Variants in MMP26 observed in about 807,000 individuals in gnomAD.
MMP26 encodes matrix metalloproteinase-26.
MMP26 carries 33 observed loss-of-function variants against 31.0 expected under a neutral mutation model. That is an observed-to-expected ratio of 1.06 (90% CI 0.81 to 1.42). The LOEUF is 1.42. Ranked by LOEUF, MMP26 falls within the 40% of genes most tolerant of loss-of-function variation. The pLI is 0.00. For synonymous variants in MMP26, 122 were observed against 114.9 expected, an observed-to-expected ratio of 1.06 and a Z score of -0.40; for missense variants, 347 against 316.1, an observed-to-expected ratio of 1.10 and a Z score of -0.74.
chr11:4,825,512 T>A (rs149712841), intron 2 of MMP26, among the ~76,000 whole-genome samples: 46 of 152,242 alleles, frequency 3.0e-4, no homozygotes, highest in Admixed American at 8.5e-4. Flanking sequence ...GAGTTGGATG[T>A]CCCAATCTGA....
chr11:4,882,693 G>T, intron 2 of MMP26: 10 of 1,613,856 alleles, frequency 6.2e-6, no homozygotes, highest in Non-Finnish European at 8.5e-6. Flanking sequence ...TTGGCACACC[G>T]CCTCTTCCAC....
chr11:4,974,237 C>T (rs995432138), intron 2 of MMP26, among the ~76,000 whole-genome samples: 5 of 151,592 alleles, frequency 3.3e-5, no homozygotes, highest in Non-Finnish European at 5.9e-5. Flanking sequence ...TTTAATATAA[C>T]GTTGCAATAT....
Position 4,822,295 on chromosome 11 carries a change from A to G in MMP26, c.-145+54954A>G, listed in dbSNP as rs759977498. Reference sequence around the variant, plus strand: ...GCTAATCCCTCCTGTGCTCAACCCTATTATTTACAGTGTAAAGATTAAGCA... The same window carrying G: ...GCTAATCCCTCCTGTGCTCAACCCTGTTATTTACAGTGTAAAGATTAAGCA... On this transcript the variant is annotated intron_variant, in intron 2 of 7. Coordinates refer to ENST00000380390, the MANE Select transcript of MMP26 (RefSeq NM_021801.5). 10 of 1,538,484 alleles carry G rather than the reference A, an allele frequency of 6.5e-6. No individual in the cohort carries two copies. Among genetic ancestry groups the G allele is most frequent in the Middle Eastern group, 3.5e-4 (2 of 5,704 alleles).
chr11:4,855,679 C>A (rs997249574), intron 2 of MMP26, among the ~76,000 whole-genome samples: 2 of 152,148 alleles, frequency 1.3e-5, no homozygotes, highest in South Asian at 2.1e-4. Flanking sequence ...CTTCCCCAAC[C>A]TAGCAAGGCA....
At chr11:4,739,319 T>C (rs2133290940) in intron 1 of MMP26, among the ~76,000 whole-genome samples, 1 of 152,326 alleles carries the variant, frequency 6.6e-6, no homozygotes, top group East Asian at 1.9e-4. Context: ...CTTATTGCCA[T>C]GCAGGTGAGG....
chr11:4,944,044 A>T (rs1238376022), intron 2 of MMP26: 1 of 433,568 alleles, frequency 2.3e-6, no homozygotes, highest in Non-Finnish European at 4.5e-6. Context: ...ATTTCTTTCA[A>T]TTAATAAAAT....
intron 2 of MMP26, among the ~76,000 whole-genome samples, chr11:4,873,539 G>A (rs1482013533): frequency 1.3e-5 from 2 of 151,912 alleles, no homozygotes; most frequent in South Asian, 2.1e-4. Context: ...GAAAGATTTA[G>A]GTAATACAGA....
chr11:4,790,079 C>A (rs573075537), intron 2 of MMP26, among the ~76,000 whole-genome samples: 2 of 152,160 alleles, frequency 1.3e-5, no homozygotes, highest in South Asian at 2.1e-4. Context: ...CGGTAGCTCA[C>A]GCCTGTAATC....
chr11:4,803,383 C>T (rs1417531106), intron 2 of MMP26: 8 of 1,209,296 alleles, frequency 6.6e-6, no homozygotes, highest in South Asian at 1.4e-5. Flanking sequence ...TCATTAATGT[C>T]CCCACATTAG....
chr11:4,807,657 T>C (rs1849290996), intron 2 of MMP26, among the ~76,000 whole-genome samples: 1 of 151,836 alleles, frequency 6.6e-6, no homozygotes, highest in Non-Finnish European at 1.5e-5. Context: ...TTAGGAGAAA[T>C]ACCTAATGTA....
At chr11:4,764,671 C>G (rs1848606084) in intron 1 of MMP26, among the ~76,000 whole-genome samples, 1 of 152,172 alleles carries the variant, frequency 6.6e-6, no homozygotes, top group Non-Finnish European at 1.5e-5. Flanking sequence ...GAGATCCAGA[C>G]CATCTTGGCT....
intron 2 of MMP26, among the ~76,000 whole-genome samples, chr11:4,925,225 A>G (rs186776272): frequency 1.3e-5 from 2 of 152,310 alleles, no homozygotes; most frequent in African/African-American, 4.8e-5. Flanking sequence ...AGTGTTGGGG[A>G]TGAAATTTAA....
chr11:4,815,579 A>G (rs926635673), intron 2 of MMP26, among the ~76,000 whole-genome samples: 1 of 152,190 alleles, frequency 6.6e-6, no homozygotes, highest in East Asian at 1.9e-4. Context: ...AACAAAAAAA[A>G]AAAGAAAGAA....
At chr11:4,857,030 C>A (rs1288301871) in intron 2 of MMP26, among the ~76,000 whole-genome samples, 2 of 152,044 alleles carry the variant, frequency 1.3e-5, no homozygotes, top group South Asian at 2.1e-4. Context: ...CCAGTGAGAA[C>A]AAAGACACAA....
intron 2 of MMP26, among the ~76,000 whole-genome samples, chr11:4,808,354 G>A (rs997263264): frequency 6.6e-6 from 1 of 152,074 alleles, no homozygotes; most frequent in East Asian, 1.9e-4. Context: ...CATGAAGGGG[G>A]TGTGCACAAC....
intron 1 of MMP26, chr11:4,711,368 CA>C (rs1847860442): frequency 6.6e-6 from 1 of 152,130 alleles, no homozygotes; most frequent in African/African-American, 2.4e-5. Flanking sequence ...AGACATATCC[CA>C]AACATTACAA....
At chr11:4,757,632 A>T (rs1848520750) in intron 1 of MMP26, among the ~76,000 whole-genome samples, 1 of 152,104 alleles carries the variant, frequency 6.6e-6, no homozygotes, top group Non-Finnish European at 1.5e-5. Context: ...AAAAATGGGC[A>T]AAATATTTGA....
chr11:4,914,964 C>A (rs761017743), intron 2 of MMP26: 23 of 1,613,946 alleles, frequency 1.4e-5, no homozygotes, highest in Non-Finnish European at 1.9e-5. Context: ...GCCCTGGAGG[C>A]GATGGACAGC....
intron 1 of MMP26, among the ~76,000 whole-genome samples, chr11:4,744,015 G>T (rs894226268): frequency 1.3e-5 from 2 of 151,964 alleles, no homozygotes; most frequent in African/African-American, 4.8e-5. Context: ...TGCCCAGGCT[G>T]GTCTGAAACT....
Sources: gnomAD v4.1 joint callset for allele counts (sites outside exome capture counted in the v4.1 genomes callset) on GRCh38, gnomAD v4.1.1 for gene constraint, MANE v1.5 for transcripts, NCBI Gene and HGNC (gene_info 2026-07-23, HGNC 2026-07-21) for gene names.